The following CDYL2 variants were observed in gnomAD, a reference collection of about 807,000 sequenced individuals.
CDYL2 encodes the protein chromodomain Y like 2.
In CDYL2, 23 loss-of-function variants were observed where a neutral mutation model predicts 49.4. The ratio of observed to expected loss-of-function variants is 0.47; its 90% CI spans 0.34 to 0.66. The LOEUF (loss-of-function observed/expected upper bound fraction) is 0.66. Among genes scored for constraint, CDYL2 ranks in the 30% least tolerant of loss-of-function variants. CDYL2 has a pLI of 0.01. For synonymous variants in CDYL2, 360 were observed against 268.8 expected (o/e 1.34, Z -3.32); for missense variants, 678 against 656.4 (o/e 1.03, Z -0.36).
intron 2 of CDYL2, among the ~76,000 whole-genome samples, chr16:80,674,267 T>A (rs530752390): frequency 1.9e-4 from 29 of 152,246 alleles, no homozygotes; most frequent in African/African-American, 6.7e-4. Context: ...GCACGTGTCT[T>A]CTTTAAGCAT....
chr16:80,725,217 C>T (rs944443482), intron 1 of CDYL2, among the ~76,000 whole-genome samples: 2 of 152,138 alleles, frequency 1.3e-5, no homozygotes, highest in Non-Finnish European at 1.5e-5. Flanking sequence ...CATACACACA[C>T]ACACTTTGCC....
chr16:80,758,673 G>A (rs1200755024), intron 1 of CDYL2, among the ~76,000 whole-genome samples: 5 of 151,384 alleles, frequency 3.3e-5, no homozygotes, highest in Non-Finnish European at 5.9e-5. Context: ...CTCCCGAGTA[G>A]CTGGGACTAC....
At chr16:80,802,813 G>A (rs1907966237) in intron 1 of CDYL2, among the ~76,000 whole-genome samples, 1 of 152,174 alleles carries the variant, frequency 6.6e-6, no homozygotes, top group South Asian at 2.1e-4. Flanking sequence ...CTGCCCACGA[G>A]GGCCTAGAGG....
intron 4 of CDYL2, among the ~76,000 whole-genome samples, chr16:80,613,141 T>C (rs533416991): frequency 6.6e-6 from 1 of 152,094 alleles, no homozygotes; most frequent in African/African-American, 2.4e-5. Flanking sequence ...GTAAGTTATA[T>C]GGGCACCCTA....
intron 1 of CDYL2, among the ~76,000 whole-genome samples, chr16:80,770,897 G>C (rs13335834): frequency 0.024 from 3,692 of 152,258 alleles, 119 homozygotes; most frequent in African/African-American, 0.076. Flanking sequence ...GGAGAAAACA[G>C]AAAGCCAGGA....
intron 2 of CDYL2, among the ~76,000 whole-genome samples, chr16:80,657,262 T>C (rs1336954940): frequency 6.6e-6 from 1 of 152,148 alleles, no homozygotes; most frequent in Admixed American, 6.5e-5. Context: ...AAAACATTCA[T>C]TTAAAATAAA....
chr16:80,757,325 A>G (rs565714083), intron 1 of CDYL2, among the ~76,000 whole-genome samples: 3 of 152,046 alleles, frequency 2.0e-5, no homozygotes, highest in Non-Finnish European at 4.4e-5. Context: ...GGAATGCTTG[A>G]GCCTAGGAGT....
chr16:80,651,298 A>C (rs905744092), intron 2 of CDYL2, among the ~76,000 whole-genome samples: 1 of 152,228 alleles, frequency 6.6e-6, no homozygotes, highest in Non-Finnish European at 1.5e-5. Context: ...CCACCAAAAA[A>C]AGAATGAATA....
At position 80,766,761 on chromosome 16, in the gene CDYL2, A is replaced by C. The variant is rs187744514; in HGVS notation, c.24+37389T>G. Among the ~76,000 whole-genome samples, 8 of 152,320 alleles carry C rather than the reference A, an allele frequency of 5.3e-5. No individual in the cohort carries two copies. The East Asian group carries it at 1.5e-3, about 29-fold the overall frequency. On this transcript the variant is annotated intron_variant, in intron 1 of 6. Coordinates refer to ENST00000570137, the MANE Select transcript of CDYL2 (RefSeq NM_152342.4). ...GAAAATGACGCAAAGCTGCCTCTACAAAAAGAAAGTGTAAAAAGCAACATC... is the reference window on the plus strand; with the variant it reads ...GAAAATGACGCAAAGCTGCCTCTACCAAAAGAAAGTGTAAAAAGCAACATC...
In CDYL2 at chr16:80,603,929, T is replaced by C. The variant is rs1025553970; in HGVS notation, c.*459A>G. On this transcript the variant is annotated 3_prime_UTR_variant, in exon 7 of 7. Coordinates refer to ENST00000570137, the MANE Select transcript of CDYL2 (RefSeq NM_152342.4). Reference sequence around the variant, plus strand: ...CAGGTGTGCACAATCATTTTGCTCATTGGTCTGGAAATTCCCTAAGATTGG... The same window carrying C: ...CAGGTGTGCACAATCATTTTGCTCACTGGTCTGGAAATTCCCTAAGATTGG... 1 of 162,906 alleles carries C rather than the reference T, an allele frequency of 6.1e-6. No homozygotes were observed. The highest frequency in any genetic ancestry group is 1.4e-5 in the Non-Finnish European group (1 of 73,798). The allele number at this position is 162,906 out of a possible 1,614,324, so 10.1% of individuals were successfully genotyped here. A position where few individuals can be genotyped will look rare whatever the true frequency, so the allele number is the denominator to read the frequency against.
chr16:80,789,772 G>A (rs1293044235), intron 1 of CDYL2, among the ~76,000 whole-genome samples: 1 of 152,166 alleles, frequency 6.6e-6, no homozygotes, highest in Admixed American at 6.5e-5. Flanking sequence ...AACATGGATA[G>A]AGCTGAAGGC....
chr16:80,610,600 G>A (rs1420640946), intron 5 of CDYL2, among the ~76,000 whole-genome samples: 1 of 152,042 alleles, frequency 6.6e-6, no homozygotes, highest in Non-Finnish European at 1.5e-5. Flanking sequence ...AAAAACCCAT[G>A]CTAGAGCTAA....
chr16:80,748,711 T>G (rs1260168678), intron 1 of CDYL2, among the ~76,000 whole-genome samples: 1 of 151,852 alleles, frequency 6.6e-6, no homozygotes, highest in Non-Finnish European at 1.5e-5. Flanking sequence ...ACCCACCATC[T>G]GGCCCAACAC....
In CDYL2 at chr16:80,620,917, G is replaced by T; in HGVS notation, c.853C>A (p.Arg285=). The T allele has an allele frequency of 1.2e-6, 2 of 1,602,456 alleles. No homozygotes were observed. The highest frequency in any genetic ancestry group is 1.7e-6 in the Non-Finnish European group (2 of 1,172,584). ...LTPEIMKEVR[R]ALCNAATDDS... Reference sequence around the variant, plus strand: ...TCTGTGGCTGCGTTGCAGAGCGCTCGCCGGACTTCTTTCATGATCTGCCGG... The same window carrying T: ...TCTGTGGCTGCGTTGCAGAGCGCTCTCCGGACTTCTTTCATGATCTGCCGG... The change falls in exon 4 of 7, where the codon CGA becomes AGA. Residue 285 remains arginine (R), a synonymous_variant. Transcript: ENST00000570137.
intron 1 of CDYL2, among the ~76,000 whole-genome samples, chr16:80,751,332 G>C (rs533406185): frequency 1.3e-5 from 2 of 152,332 alleles, no homozygotes; most frequent in East Asian, 3.9e-4. Flanking sequence ...AAAATCCGGA[G>C]GAAGGACTTC....
intron 2 of CDYL2, among the ~76,000 whole-genome samples, chr16:80,645,680 G>A (rs914731289): frequency 5.9e-5 from 9 of 152,088 alleles, no homozygotes; most frequent in East Asian, 1.9e-4. Flanking sequence ...AAAGACACAT[G>A]CACACGTATG....
chr16:80,760,806 C>T lies in CDYL2; in HGVS notation c.24+43344G>A, dbSNP rs139527575. On this transcript the variant is annotated intron_variant, in intron 1 of 6. Transcript: ENST00000570137. ...AGGATAGATGAAATTAGAGCAAGAA[C>T]ATTCAGAGTTGAACAGTTATCCAGG... is the stretch of plus-strand genomic sequence containing the variant. Among the ~76,000 whole-genome samples, 68 of 151,562 alleles carry T rather than the reference C, an allele frequency of 4.5e-4. No homozygotes were observed. In the Middle Eastern group the frequency reaches 0.01, roughly 23 times the overall value.
At chr16:80,722,299 C>A (rs1463184006) in intron 1 of CDYL2, among the ~76,000 whole-genome samples, 1 of 152,178 alleles carries the variant, frequency 6.6e-6, no homozygotes, top group African/African-American at 2.4e-5. Context: ...GGGCTGGGCA[C>A]CAAGACATGT....
intron 5 of CDYL2, among the ~76,000 whole-genome samples, chr16:80,611,781 C>A (rs74452932): frequency 0.031 from 4,706 of 152,316 alleles, 364 homozygotes; most frequent in East Asian, 0.21. Flanking sequence ...GACAGCCCAG[C>A]CCAGCACACA....
Sources: allele counts gnomAD v4.1 joint callset (sites outside exome capture counted in the v4.1 genomes callset), GRCh38; gene constraint gnomAD v4.1.1; transcripts MANE v1.5; gene names NCBI Gene and HGNC (gene_info 2026-07-23, HGNC 2026-07-21).